COL11A1: variants seen among roughly 807,000 people sequenced by gnomAD.
The protein encoded by COL11A1 is collagen type XI alpha 1 chain.
In COL11A1, 74 loss-of-function variants were observed where a neutral mutation model predicts 265.2. That is an observed-to-expected ratio of 0.28 (90% CI 0.23 to 0.34). COL11A1 has a LOEUF of 0.34. Ranked by LOEUF, COL11A1 falls within the 10% of genes least tolerant of loss-of-function variation. The pLI is 1.00. For missense variants in COL11A1, 2,165 were observed against 2,263.6 expected (o/e 0.96, Z 0.88); for synonymous variants, 816 against 727.6 (o/e 1.12, Z -1.96).
intron 38 of COL11A1, among the ~76,000 whole-genome samples, chr1:102,963,861 C>T (rs10874667): frequency 0.056 from 8,505 of 151,966 alleles, 266 homozygotes; most frequent in Non-Finnish European, 0.074. Flanking sequence ...CAGCGATCAC[C>T]GAGACAAAAA....
At chr1:102,989,195 A>G (rs1663872381) in intron 29 of COL11A1, among the ~76,000 whole-genome samples, 1 of 151,970 alleles carries the variant, frequency 6.6e-6, no homozygotes, top group Non-Finnish European at 1.5e-5. Flanking sequence ...AATTACTTCT[A>G]GTAATTTGAT....
chr1:103,059,192 G>C (rs1215100601), intron 4 of COL11A1, among the ~76,000 whole-genome samples: 1 of 152,130 alleles, frequency 6.6e-6, no homozygotes, highest in Non-Finnish European at 1.5e-5. Context: ...GTGAAAGAAA[G>C]GAAATTCCCT....
chr1:102,997,706 GA>G (rs1368501712), intron 25 of COL11A1, among the ~76,000 whole-genome samples: 3 of 151,610 alleles, frequency 2.0e-5, no homozygotes, highest in Admixed American at 2.0e-4. Context: ...GTTTAAAGAG[GA>G]AAAAAATCTG....
At chr1:102,926,153 A>G (rs1656574870) in intron 46 of COL11A1, among the ~76,000 whole-genome samples, 1 of 152,136 alleles carries the variant, frequency 6.6e-6, no homozygotes, top group East Asian at 1.9e-4. Context: ...CAATTAGTGG[A>G]GACACAATGA....
rs770689108 is a variant in COL11A1 at position 102,998,359 on chromosome 1, G to A, written c.2147C>T (p.Pro716Leu). ...TCCAGCAAGTCCTGGTTTTCCTTGTGGTCCCTTATAGAGAAAAAAAAAATA... is the reference window on the plus strand; with the variant it reads ...TCCAGCAAGTCCTGGTTTTCCTTGTAGTCCCTTATAGAGAAAAAAAAAATA... ...GPIGPPGEKG[P>L]QGKPGLAGLP... Residue 716 changes from proline (P) to leucine (L), a missense_variant, in exon 25 of 67, where the codon CCA (proline) becomes CTA (leucine). By Grantham distance (98) the Pro-to-Leu change is moderately conservative. Transcript: ENST00000370096. 6.3e-7 allele frequency: 1 copy of A among 1,599,160 alleles called. No individual in the cohort carries two copies. The highest frequency in any genetic ancestry group is 8.5e-7 in the Non-Finnish European group (1 of 1,172,086).
intron 1 of COL11A1, among the ~76,000 whole-genome samples, chr1:103,087,761 TA>T (rs1672992985): frequency 1.3e-5 from 2 of 152,340 alleles, no homozygotes; most frequent in South Asian, 4.1e-4. Flanking sequence ...TAAGCTGGGT[TA>T]GATCTGCTAA....
chr1:103,058,099 T>C (rs1251496862), intron 4 of COL11A1, among the ~76,000 whole-genome samples: 2 of 152,222 alleles, frequency 1.3e-5, no homozygotes, highest in East Asian at 3.8e-4. Context: ...CTTTCAACAA[T>C]TTACCTTAGC....
intron 46 of COL11A1, among the ~76,000 whole-genome samples, chr1:102,924,913 CAT>C (rs1163367897): frequency 1.1e-4 from 16 of 151,810 alleles, no homozygotes; most frequent in Admixed American, 2.6e-4. Context: ...AAATAGCAAA[CAT>C]AGTAATCGTT....
chr1:102,910,604 C>T (rs1036969506), intron 54 of COL11A1, among the ~76,000 whole-genome samples: 1 of 151,922 alleles, frequency 6.6e-6, no homozygotes, highest in East Asian at 1.9e-4. Flanking sequence ...GATGATTATC[C>T]CTGTGCTCAG....
intron 41 of COL11A1, among the ~76,000 whole-genome samples, chr1:102,952,871 A>C (rs562768185): frequency 1.3e-5 from 2 of 152,336 alleles, no homozygotes; most frequent in East Asian, 3.9e-4. Flanking sequence ...ATCTCAACAG[A>C]ATCACTGGAG....
At chr1:103,007,909 A>G (rs1665772391) in intron 15 of COL11A1, among the ~76,000 whole-genome samples, 3 of 150,796 alleles carry the variant, frequency 2.0e-5, no homozygotes, top group Non-Finnish European at 4.4e-5. Flanking sequence ...GTTAAAGAGT[A>G]TGTAGCTTTG....
Position 103,009,930 on chromosome 1 carries a change from C to T in COL11A1, c.1630-1414G>A, listed in dbSNP as rs180812201. The stretch of plus-strand genomic sequence containing the variant: ...CTACATTAAATCAGATTATTAATCA[C>T]TGAATTGAATGCAATTATGCAATTA... On this transcript the variant is annotated intron_variant, in intron 14 of 66. Coordinates refer to ENST00000370096, the MANE Select transcript of COL11A1 (RefSeq NM_001854.4). 3.2e-3 allele frequency among the ~76,000 whole-genome samples: 489 copies of T among 152,188 alleles called. 1 individual carries two copies. The highest frequency in any genetic ancestry group is 5.3e-3 in the Non-Finnish European group (359 of 67,960).
At chr1:103,075,944 A>C (rs1204201337) in intron 3 of COL11A1, among the ~76,000 whole-genome samples, 2 of 152,118 alleles carry the variant, frequency 1.3e-5, no homozygotes, top group Non-Finnish European at 2.9e-5. Context: ...AGTGAGAGTA[A>C]AATTTACACA....
At chr1:102,967,259 G>T (rs1486359412) in intron 37 of COL11A1, among the ~76,000 whole-genome samples, 1 of 5,334 alleles carries the variant, frequency 1.9e-4, no homozygotes, top group Non-Finnish European at 5.7e-4. Flanking sequence ...TTTTTTTTTT[G>T]AGACGGAGTC....
At chr1:103,062,008 C>T (rs1670714282) in intron 4 of COL11A1, among the ~76,000 whole-genome samples, 1 of 151,798 alleles carries the variant, frequency 6.6e-6, no homozygotes, top group Admixed American at 6.6e-5. Context: ...GGAGATATCA[C>T]CACAGATCCC....
chr1:103,040,109 T>C (rs1211229084), intron 4 of COL11A1, among the ~76,000 whole-genome samples: 1 of 152,076 alleles, frequency 6.6e-6, no homozygotes, highest in Admixed American at 6.6e-5. Context: ...AAATACATTT[T>C]ATTGTGCTAG....
chr1:102,924,026 G>A (rs1165527993), intron 46 of COL11A1, among the ~76,000 whole-genome samples: 3 of 148,946 alleles, frequency 2.0e-5, no homozygotes, highest in East Asian at 3.9e-4. Flanking sequence ...GGCTAACACC[G>A]GTGAAACCCC....
At chr1:103,021,260 C>A (rs1007571112) in intron 9 of COL11A1, among the ~76,000 whole-genome samples, 3 of 151,410 alleles carry the variant, frequency 2.0e-5, no homozygotes, top group Admixed American at 6.6e-5. Flanking sequence ...TAAAAAATAT[C>A]ATATGACACA....
At chr1:102,889,920 A>G (rs1362105807) in intron 58 of COL11A1, among the ~76,000 whole-genome samples, 1 of 152,166 alleles carries the variant, frequency 6.6e-6, no homozygotes, top group Non-Finnish European at 1.5e-5. Flanking sequence ...TTTAATAGGC[A>G]TCTCATTTAA....
Sources: allele counts gnomAD v4.1 joint callset (sites outside exome capture counted in the v4.1 genomes callset), GRCh38; gene constraint gnomAD v4.1.1; transcripts MANE v1.5; gene names NCBI Gene and HGNC (gene_info 2026-07-23, HGNC 2026-07-21).